TLN2: variants seen among roughly 807,000 people sequenced by gnomAD.
TLN2 encodes the protein talin 2, also known as talin-2.
TLN2 carries 118 observed loss-of-function variants against 294.7 expected under a neutral mutation model. The observed-to-expected ratio is 0.40, with a 90% CI of 0.34 to 0.47. TLN2 has a LOEUF of 0.47. Ranked by LOEUF, TLN2 falls within the 20% of genes least tolerant of loss-of-function variation. The probability of loss-of-function intolerance (pLI) is 0.84; values close to 1 mark genes in which losing one functional copy is unlikely to be tolerated. For synonymous variants in TLN2, 1,431 were observed against 1,304.5 expected, an observed-to-expected ratio of 1.10 and a Z score of -2.09; for missense variants, 3,083 against 3,282.2, an observed-to-expected ratio of 0.94 and a Z score of 1.48.
At chr15:62,666,982 T>G (rs1036946462) in intron 9 of TLN2, among the ~76,000 whole-genome samples, 4 of 152,154 alleles carry the variant, frequency 2.6e-5, no homozygotes, top group African/African-American at 9.7e-5. Flanking sequence ...TTTTTCTTTT[T>G]TGAGATGGAG....
intron 1 of TLN2, among the ~76,000 whole-genome samples, chr15:62,427,539 G>C (rs996727878): frequency 6.6e-6 from 1 of 152,118 alleles, no homozygotes; most frequent in Non-Finnish European, 1.5e-5. Flanking sequence ...AGCTGGGCAG[G>C]ATTTAGCCAT....
intron 46 of TLN2, among the ~76,000 whole-genome samples, chr15:62,794,299 C>A (rs927857387): frequency 3.3e-5 from 5 of 152,156 alleles, no homozygotes; most frequent in Non-Finnish European, 7.4e-5. Context: ...GCTGTGCGTC[C>A]CTGTCCTCTA....
intron 58 of TLN2, among the ~76,000 whole-genome samples, 200 bp downstream of exon 58, chr15:62,839,181 G>A (rs146470284): frequency 5.3e-5 from 8 of 152,266 alleles, no homozygotes; most frequent in African/African-American, 1.4e-4. Context: ...CCTTGGCCAC[G>A]TGGTCCACGT....
At chr15:62,701,861 T>C in intron 17 of TLN2, 131 bp from the exon 18 acceptor site, 1 of 1,027,436 alleles carries the variant, frequency 9.7e-7, no homozygotes, top group Non-Finnish European at 1.4e-6. Context: ...CAGCTCACTG[T>C]GCTCATGTGA....
chr15:62,784,450 T>G (rs2064464350), intron 45 of TLN2: 1 of 153,448 alleles, frequency 6.5e-6, no homozygotes, highest in Admixed American at 6.5e-5. Context: ...CCAGCTTTCC[T>G]TAGTGGCCAG....
chr15:62,783,639 C>G, intron 44 of TLN2, 132 bp from the exon 45 acceptor site: 1 of 1,441,126 alleles, frequency 6.9e-7, no homozygotes, highest in Non-Finnish European at 9.1e-7. Context: ...AAGGCCTGGC[C>G]TTCACCCCCT....
At chr15:62,832,083 G>C (rs955832333) in intron 54 of TLN2, 8 of 147,140 alleles carry the variant, frequency 5.4e-5, no homozygotes, top group Middle Eastern at 3.4e-3. Context: ...TAAAAATAAG[G>C]ATAAAGATAA....
chr15:62,807,882 T>G (rs141388874), intron 51 of TLN2, among the ~76,000 whole-genome samples: 33 of 152,308 alleles, frequency 2.2e-4, no homozygotes, highest in African/African-American at 7.5e-4. Flanking sequence ...GCGAACTCAC[T>G]AACATTTCCA....
At chr15:62,646,766 C>T (rs757129032) in intron 3 of TLN2, among the ~76,000 whole-genome samples, 1 of 152,174 alleles carries the variant, frequency 6.6e-6, no homozygotes, top group Non-Finnish European at 1.5e-5. Context: ...TGGAGCTGGG[C>T]CCAGAATCCA....
chr15:62,523,196 G>A (rs1005135695), intron 1 of TLN2, among the ~76,000 whole-genome samples: 6 of 152,178 alleles, frequency 3.9e-5, no homozygotes, highest in Non-Finnish European at 8.8e-5. Flanking sequence ...CCAGCAACAA[G>A]GGGAGATAAA....
Position 62,688,581 on chromosome 15 carries a change from C to A in TLN2, c.1113+1785C>A, listed in dbSNP as rs146074325. Among the ~76,000 whole-genome samples, 24 of 152,198 alleles carry A rather than the reference C, an allele frequency of 1.6e-4. 1 individual carries two copies. Among genetic ancestry groups the A allele is most frequent in the African/African-American group, 4.8e-4 (20 of 41,546 alleles). Reference sequence around the variant, plus strand: ...ATATCTTTGTTAATTTTCTGCCTGGCAGTTTTCTCAGTTGCCGAGAGTGAG... The same window carrying A: ...ATATCTTTGTTAATTTTCTGCCTGGAAGTTTTCTCAGTTGCCGAGAGTGAG... On this transcript the variant is annotated intron_variant, in intron 12 of 58. Transcript: ENST00000636159.
At chr15:62,552,226 G>T (rs2042360026) in intron 1 of TLN2, among the ~76,000 whole-genome samples, 1 of 152,198 alleles carries the variant, frequency 6.6e-6, no homozygotes, top group Non-Finnish European at 1.5e-5. Flanking sequence ...AGACAAGAAA[G>T]CCTTTTATGG....
At chr15:62,657,713 G>A in intron 8 of TLN2, 58 bp from the exon 9 acceptor site, 1 of 1,581,220 alleles carries the variant, frequency 6.3e-7, no homozygotes. Context: ...ATGCGTCAGT[G>A]GAGAGAACGT....
chr15:62,768,371 C>A (rs2141040324), intron 41 of TLN2, among the ~76,000 whole-genome samples: 1 of 152,268 alleles, frequency 6.6e-6, no homozygotes, highest in South Asian at 2.1e-4. Context: ...TCGCGCTGAT[C>A]CCTGCTTTCG....
chr15:62,699,916 C>A (rs1473534677), intron 16 of TLN2, among the ~76,000 whole-genome samples: 1 of 152,302 alleles, frequency 6.6e-6, no homozygotes, highest in South Asian at 2.1e-4. Context: ...TCAGGGTTGA[C>A]AACCACTGTT....
chr15:62,815,173 TCTGTCACACACACACACA>T (rs1489626922), intron 52 of TLN2, among the ~76,000 whole-genome samples: 366 of 134,048 alleles, frequency 2.7e-3, no homozygotes, highest in African/African-American at 8.9e-3. Context: ...TTTTATTCTG[TCTGTCACACACACACACA>T]CACACACACA....
chr15:62,513,547 C>T (rs1232093862), intron 1 of TLN2, among the ~76,000 whole-genome samples: 2 of 152,192 alleles, frequency 1.3e-5, no homozygotes, highest in Non-Finnish European at 2.9e-5. Context: ...GAGTGTATCC[C>T]ATAACCTTGT....
At chr15:62,483,510 C>G (rs1028354919) in intron 1 of TLN2, among the ~76,000 whole-genome samples, 1 of 152,230 alleles carries the variant, frequency 6.6e-6, no homozygotes, top group African/African-American at 2.4e-5. Flanking sequence ...TCTCAGACAG[C>G]CAGCCTCTGT....
chr15:62,821,896 C>G, intron 54 of TLN2, among the ~76,000 whole-genome samples: 1 of 152,152 alleles, frequency 6.6e-6, no homozygotes, highest in East Asian at 1.9e-4. Context: ...TAAGAGTCAA[C>G]CATTAACTAA....
Sources: gnomAD v4.1 joint callset for allele counts (sites outside exome capture counted in the v4.1 genomes callset) on GRCh38, gnomAD v4.1.1 for gene constraint, MANE v1.5 for transcripts, NCBI Gene and HGNC (gene_info 2026-07-23, HGNC 2026-07-21) for gene names.